The following SCAPER variants were observed in gnomAD, a reference collection of about 807,000 sequenced individuals.
The protein encoded by SCAPER is S phase cyclin A-associated protein in the endoplasmic reticulum.
SCAPER carries 98 observed loss-of-function variants against 182.2 expected under a neutral mutation model. That is an observed-to-expected ratio of 0.54 (90% CI 0.46 to 0.64). The LOEUF (loss-of-function observed/expected upper bound fraction) is 0.64, where lower values mean the gene tolerates loss of function less well. Among genes scored for constraint, SCAPER ranks in the 30% least tolerant of loss-of-function variants. SCAPER has a pLI of 0.00. For synonymous variants in SCAPER, 605 were observed against 564.6 expected (o/e 1.07, Z -1.01); for missense variants, 1,432 against 1,690.0 (o/e 0.85, Z 2.68).
intron 23 of SCAPER, among the ~76,000 whole-genome samples, chr15:76,536,073 T>C (rs1439715106): frequency 6.6e-6 from 1 of 152,226 alleles, no homozygotes; most frequent in Non-Finnish European, 1.5e-5. Context: ...GAAAGGAAAA[T>C]ACATTTCATA....
At chr15:76,613,899 C>T (rs980702263) in intron 22 of SCAPER, among the ~76,000 whole-genome samples, 1 of 152,130 alleles carries the variant, frequency 6.6e-6, no homozygotes, top group Admixed American at 6.5e-5. Context: ...CCCAGCAATC[C>T]CATTACTGGA....
intron 2 of SCAPER, among the ~76,000 whole-genome samples, chr15:76,877,609 C>T (rs2073259812): frequency 6.6e-6 from 1 of 152,158 alleles, no homozygotes; most frequent in Admixed American, 6.5e-5. Context: ...GTACTGAGGA[C>T]ACATCGTCAT....
intron 30 of SCAPER, among the ~76,000 whole-genome samples, chr15:76,352,115 C>T (rs1211009852): frequency 6.6e-6 from 1 of 152,156 alleles, no homozygotes; most frequent in Admixed American, 6.5e-5. Context: ...AAATTGGTTT[C>T]GCTCAAACAT....
chr15:76,856,042 T>C (rs1489333289), intron 4 of SCAPER, among the ~76,000 whole-genome samples: 1 of 151,984 alleles, frequency 6.6e-6, no homozygotes, highest in Non-Finnish European at 1.5e-5. Context: ...AACAACAGAC[T>C]GGATAAAGAA....
intron 23 of SCAPER, among the ~76,000 whole-genome samples, chr15:76,557,782 G>A (rs2046298516): frequency 6.6e-6 from 1 of 152,022 alleles, no homozygotes; most frequent in Admixed American, 6.6e-5. Flanking sequence ...AAACAGCATG[G>A]TACTGGTATA....
chr15:76,379,281 GGA>G (rs1284922292), intron 28 of SCAPER, among the ~76,000 whole-genome samples: 1 of 151,808 alleles, frequency 6.6e-6, no homozygotes, highest in Non-Finnish European at 1.5e-5. Context: ...AGGAGAGACA[GGA>G]GAGAGACACA....
intron 22 of SCAPER, among the ~76,000 whole-genome samples, chr15:76,577,950 G>T (rs1006460430): frequency 1.3e-5 from 2 of 152,086 alleles, no homozygotes; most frequent in African/African-American, 2.4e-5. Context: ...TTCTGCACCT[G>T]AACTGGGCCA....
At chr15:76,475,241 A>T (rs2050530819) in intron 24 of SCAPER, among the ~76,000 whole-genome samples, 1 of 152,076 alleles carries the variant, frequency 6.6e-6, no homozygotes, top group Admixed American at 6.5e-5. Flanking sequence ...ATTTACATTT[A>T]TTTTTTATCC....
rs183847006 is a variant in SCAPER at position 76,831,988 on chromosome 15, C to A, written c.393+9746G>T. On this transcript the variant is annotated intron_variant, in intron 5 of 31. Coordinates refer to ENST00000563290, the MANE Select transcript of SCAPER (RefSeq NM_020843.4). ...AGAATATAAGAGCAAAAGTCTCTAT[C>A]CAAAGAACAGCAACTTCAAAAATTA... 3.9e-5 allele frequency among the ~76,000 whole-genome samples: 6 copies of A among 152,260 alleles called. No homozygotes were observed. In the East Asian group the frequency reaches 1.2e-3, roughly 29 times the overall value.
chr15:76,381,744 A>G, intron 27 of SCAPER, 129 bp from the exon 28 acceptor site: 2 of 722,692 alleles, frequency 2.8e-6, no homozygotes, highest in East Asian at 2.7e-5. Context: ...TATGGTAACA[A>G]GAAACTTCAA....
At chr15:76,897,669 T>C (rs1201673939) in intron 1 of SCAPER, among the ~76,000 whole-genome samples, 1 of 152,124 alleles carries the variant, frequency 6.6e-6, no homozygotes, top group African/African-American at 2.4e-5. Context: ...ATCACGCCAC[T>C]GCACTCCAGC....
At chr15:76,665,235 G>A (rs1327814172) in intron 21 of SCAPER, among the ~76,000 whole-genome samples, 2 of 152,116 alleles carry the variant, frequency 1.3e-5, no homozygotes, top group African/African-American at 4.8e-5. Flanking sequence ...GTTGTGACAG[G>A]CAACCAAATT....
chr15:76,819,853 A>G (rs201188064), intron 5 of SCAPER, among the ~76,000 whole-genome samples: 3 of 152,164 alleles, frequency 2.0e-5, no homozygotes, highest in Non-Finnish European at 4.4e-5. Context: ...TCTGACAAAG[A>G]GCTAATATCC....
chr15:76,406,854 A>G (rs1408377248), intron 26 of SCAPER, among the ~76,000 whole-genome samples: 2 of 152,200 alleles, frequency 1.3e-5, no homozygotes, highest in Admixed American at 1.3e-4. Context: ...AGGACAGTCA[A>G]AGTACTCATC....
intron 14 of SCAPER, among the ~76,000 whole-genome samples, chr15:76,757,792 G>A (rs372069342): frequency 6.6e-6 from 1 of 152,102 alleles, no homozygotes; most frequent in African/African-American, 2.4e-5. Flanking sequence ...TTTGATAATA[G>A]CCATCCTAAC....
At chr15:76,800,471 CA>C in intron 6 of SCAPER, 107 bp from the exon 7 acceptor site, 1 of 723,602 alleles carries the variant, frequency 1.4e-6, no homozygotes, top group Non-Finnish European at 2.4e-6. Flanking sequence ...TACTTTTCAA[CA>C]ACAACAACAA....
At chr15:76,733,462 A>G in intron 15 of SCAPER, 78 bp from the exon 16 acceptor site, 3 of 1,513,402 alleles carry the variant, frequency 2.0e-6, no homozygotes, top group Non-Finnish European at 2.7e-6. Flanking sequence ...ATCTAACAAC[A>G]GTCAGGCTGG....
At chr15:76,615,587 G>A (rs767129567) in intron 22 of SCAPER, among the ~76,000 whole-genome samples, 114 of 151,604 alleles carry the variant, frequency 7.5e-4, no homozygotes, top group African/African-American at 1.1e-3. Flanking sequence ...TTGGGACACC[G>A]AGGTAGGCAG....
intron 23 of SCAPER, among the ~76,000 whole-genome samples, chr15:76,549,834 T>C (rs2045609019): frequency 6.6e-6 from 1 of 152,066 alleles, no homozygotes; most frequent in Admixed American, 6.6e-5. Context: ...AAGATTTAAA[T>C]ATAAGATCTG....
Sources: allele counts gnomAD v4.1 joint callset (sites outside exome capture counted in the v4.1 genomes callset), GRCh38; gene constraint gnomAD v4.1.1; transcripts MANE v1.5; gene names NCBI Gene and HGNC (gene_info 2026-07-23, HGNC 2026-07-21).